The following MALRD1 variants were observed in gnomAD, a reference collection of about 807,000 sequenced individuals.
MALRD1 encodes the protein MAM and LDL-receptor class A domain-containing protein 1.
Under a neutral mutation model 242.1 loss-of-function variants are expected in MALRD1, and 247 were observed. That is an observed-to-expected ratio of 1.02 (90% CI 0.92 to 1.13). The LOEUF (loss-of-function observed/expected upper bound fraction) is 1.13, where lower values mean the gene tolerates loss of function less well. Ranked by LOEUF, MALRD1 falls within the 50% of genes most tolerant of loss-of-function variation. The pLI is 0.00. For synonymous variants in MALRD1, 995 were observed against 866.6 expected (o/e 1.15, Z -2.60); for missense variants, 2,989 against 2,533.1 (o/e 1.18, Z -3.86).
At chr10:19,245,676 T>C (rs1310183837) in intron 18 of MALRD1, among the ~76,000 whole-genome samples, 1 of 152,178 alleles carries the variant, frequency 6.6e-6, no homozygotes, top group Non-Finnish European at 1.5e-5. Context: ...TTTTCCTAAT[T>C]ATCAGAAAAA....
chr10:19,609,274 G>A (rs530020099), intron 35 of MALRD1, among the ~76,000 whole-genome samples: 1 of 151,990 alleles, frequency 6.6e-6, no homozygotes, highest in East Asian at 1.9e-4. Flanking sequence ...CAGATATTGG[G>A]TTAGAGTAAA....
At chr10:19,499,339 A>G (rs562407166) in intron 31 of MALRD1, among the ~76,000 whole-genome samples, 1 of 152,230 alleles carries the variant, frequency 6.6e-6, no homozygotes, top group East Asian at 1.9e-4. Context: ...TTATGTGTCA[A>G]ATTGGAGATG....
chr10:19,504,602 C>T (rs1838114653), intron 31 of MALRD1, among the ~76,000 whole-genome samples: 3 of 151,302 alleles, frequency 2.0e-5, no homozygotes, highest in Admixed American at 2.0e-4. Flanking sequence ...TACTTGCACA[C>T]ACACTCATAC....
At chr10:19,698,974 TA>T (rs1157405791) in intron 38 of MALRD1, among the ~76,000 whole-genome samples, 1 of 151,728 alleles carries the variant, frequency 6.6e-6, no homozygotes, top group Admixed American at 6.6e-5. Flanking sequence ...GTTCTTACCA[TA>T]AGTGAGAGTT....
At chr10:19,610,570 A>G (rs1838850368) in intron 35 of MALRD1, among the ~76,000 whole-genome samples, 1 of 152,004 alleles carries the variant, frequency 6.6e-6, no homozygotes, top group African/African-American at 2.4e-5. Context: ...TCTTCAAACT[A>G]TGTGCAGATA....
At chr10:19,393,011 A>G (rs570545569) in intron 28 of MALRD1, among the ~76,000 whole-genome samples, 1 of 152,246 alleles carries the variant, frequency 6.6e-6, no homozygotes, top group Non-Finnish European at 1.5e-5. Context: ...AGATGAGCTA[A>G]GTTATAAACT....
chr10:19,509,689 A>C (rs1284027387), intron 31 of MALRD1, among the ~76,000 whole-genome samples: 1 of 152,118 alleles, frequency 6.6e-6, no homozygotes, highest in East Asian at 1.9e-4. Context: ...CCAAAGTGAG[A>C]CCATTTGATA....
intron 36 of MALRD1, among the ~76,000 whole-genome samples, chr10:19,659,293 A>G (rs1193152712): frequency 6.6e-6 from 1 of 152,152 alleles, no homozygotes; most frequent in African/African-American, 2.4e-5. Flanking sequence ...AGGCACTTTC[A>G]TGTGTTTAAT....
chr10:19,298,765 G>T (rs1450118578), intron 21 of MALRD1, among the ~76,000 whole-genome samples: 1 of 151,920 alleles, frequency 6.6e-6, no homozygotes, highest in Non-Finnish European at 1.5e-5. Context: ...TGGCTCACAG[G>T]AATAGAAAAC....
At chr10:19,716,129 C>T (rs766624345) in intron 38 of MALRD1, among the ~76,000 whole-genome samples, 14 of 152,192 alleles carry the variant, frequency 9.2e-5, no homozygotes, top group Non-Finnish European at 1.6e-4. Flanking sequence ...TCTACTTCTT[C>T]ATTAAAGCCA....
intron 5 of MALRD1, among the ~76,000 whole-genome samples, chr10:19,109,276 C>T (rs1385434420): frequency 6.6e-6 from 1 of 152,116 alleles, no homozygotes; most frequent in Non-Finnish European, 1.5e-5. Context: ...TCAAGCGTTA[C>T]CTCCCTGTCG....
At chr10:19,082,947 T>C (rs1835541120) in intron 2 of MALRD1, among the ~76,000 whole-genome samples, 1 of 152,008 alleles carries the variant, frequency 6.6e-6, no homozygotes, top group South Asian at 2.1e-4. Context: ...ACTGGCAGAT[T>C]CAAGTGTCTG....
At chr10:19,488,892 G>C (rs1837347265) in intron 29 of MALRD1, 5 of 355,548 alleles carry the variant, frequency 1.4e-5, no homozygotes, top group South Asian at 1.0e-4. Context: ...AGAATACTTT[G>C]CATTTTCTAA....
intron 26 of MALRD1, among the ~76,000 whole-genome samples, chr10:19,376,542 C>CATTTTTTTTTTTTTT (rs1554842468): frequency 6.3e-5 from 6 of 94,994 alleles, no homozygotes; most frequent in African/African-American, 2.0e-4. Context: ...TTGATACATT[C>CATTTTTTTTTTTTTT]TTTTTTTTTT....
In MALRD1 at chr10:19,146,234, G is replaced by A; in HGVS notation, c.1448G>A (p.Cys483Tyr). Residue 483 changes from cysteine to tyrosine, a missense_variant, in exon 11 of 40, where the codon TGC (cysteine) becomes TAC (tyrosine). By Grantham distance (194) the Cys-to-Tyr change is radical (BLOSUM62 -2). Coordinates refer to ENST00000454679, the MANE Select transcript of MALRD1 (RefSeq NM_001142308.3). ...ACCTGTGACTTTGAGTCGGGTTTCT[G>A]CGGTTGGGAGCCATTTCTCACAGAA... ...HLTCDFESGF[C>Y]GWEPFLTEDS... The A allele has an allele frequency of 8.1e-7, 1 of 1,231,618 alleles. No homozygotes were observed. The highest frequency in any genetic ancestry group is 1.0e-6 in the Non-Finnish European group (1 of 987,934). 76.3% of individuals were successfully genotyped at this position (1,231,618 alleles called of 1,614,324 possible).
At chr10:19,725,861 G>A (rs79538628) in intron 38 of MALRD1, among the ~76,000 whole-genome samples, 4,613 of 152,256 alleles carry the variant, frequency 0.03, 227 homozygotes, top group African/African-American at 0.091. Context: ...AGTCTCTTCA[G>A]TAGATGATAT....
At chr10:19,053,294 A>G (rs985117436) in intron 1 of MALRD1, among the ~76,000 whole-genome samples, 1 of 152,222 alleles carries the variant, frequency 6.6e-6, no homozygotes, top group African/African-American at 2.4e-5. Flanking sequence ...AAATCGAAGA[A>G]GTTTTAAACA....
intron 29 of MALRD1, among the ~76,000 whole-genome samples, chr10:19,487,530 T>C (rs1216179517): frequency 6.6e-6 from 1 of 151,854 alleles, no homozygotes; most frequent in Non-Finnish European, 1.5e-5. Flanking sequence ...TTTTTTTTTT[T>C]TTTTTATAAA....
chr10:19,530,800 C>A (rs1264974588), intron 31 of MALRD1, among the ~76,000 whole-genome samples: 1 of 152,058 alleles, frequency 6.6e-6, no homozygotes, highest in African/African-American at 2.4e-5. Context: ...GTGTGGGAAT[C>A]AGAGCAACTG....
Sources: gnomAD v4.1 joint callset for allele counts (sites outside exome capture counted in the v4.1 genomes callset) on GRCh38, gnomAD v4.1.1 for gene constraint, MANE v1.5 for transcripts, NCBI Gene and HGNC (gene_info 2026-07-23, HGNC 2026-07-21) for gene names.